The following CREB3L2 variants were observed in gnomAD, a reference collection of about 807,000 sequenced individuals.
CREB3L2 encodes cAMP responsive element binding protein 3 like 2.
A neutral mutation model predicts 57.2 loss-of-function variants in CREB3L2; 23 were observed. That is an observed-to-expected ratio of 0.40 (90% CI 0.29 to 0.57). The LOEUF (loss-of-function observed/expected upper bound fraction) is 0.57. Among genes scored for constraint, CREB3L2 ranks in the 20% least tolerant of loss-of-function variants. The pLI, the probability that CREB3L2 is intolerant of heterozygous loss-of-function variation, is 0.42. For missense variants in CREB3L2, 628 were observed against 634.7 expected, an observed-to-expected ratio of 0.99 and a Z score of 0.11; for synonymous variants, 268 against 265.1, an observed-to-expected ratio of 1.01 and a Z score of -0.11.
chr7:137,975,988 C>G (rs1223576629), intron 1 of CREB3L2, among the ~76,000 whole-genome samples: 1 of 152,198 alleles, frequency 6.6e-6, no homozygotes, highest in Admixed American at 6.5e-5. Context: ...CAATGTTTCT[C>G]TGCTCCAAGA....
At chr7:137,907,662 C>T (rs568304938) in intron 5 of CREB3L2, among the ~76,000 whole-genome samples, 1 of 152,302 alleles carries the variant, frequency 6.6e-6, no homozygotes, top group Admixed American at 6.5e-5. Context: ...AATCAATTCA[C>T]TCCTAGAACA....
intron 1 of CREB3L2, among the ~76,000 whole-genome samples, chr7:137,983,983 C>T (rs748024594): frequency 6.6e-6 from 1 of 152,206 alleles, no homozygotes; most frequent in Non-Finnish European, 1.5e-5. Flanking sequence ...ACTCACATTC[C>T]AGGCACAGTT....
At chr7:137,978,714 G>A (rs1801654762) in intron 1 of CREB3L2, among the ~76,000 whole-genome samples, 1 of 152,184 alleles carries the variant, frequency 6.6e-6, no homozygotes, top group South Asian at 2.1e-4. Flanking sequence ...GAGGAAGGGG[G>A]GCTATCCTGA....
intron 8 of CREB3L2, among the ~76,000 whole-genome samples, chr7:137,901,072 A>C (rs554097097): frequency 1.3e-5 from 2 of 152,316 alleles, no homozygotes; most frequent in East Asian, 1.9e-4. Context: ...GTATGTGTAC[A>C]TGTATGTGCA....
At chr7:137,989,809 C>T (rs1426819618) in intron 1 of CREB3L2, among the ~76,000 whole-genome samples, 1 of 152,192 alleles carries the variant, frequency 6.6e-6, no homozygotes, top group Non-Finnish European at 1.5e-5. Context: ...AGGTCAACGG[C>T]AACACCGTCA....
intron 3 of CREB3L2, among the ~76,000 whole-genome samples, chr7:137,914,378 T>A (rs928214598): frequency 6.6e-6 from 1 of 152,128 alleles, no homozygotes; most frequent in Non-Finnish European, 1.5e-5. Context: ...ACGCCTGTAA[T>A]CCCAACACTT....
intron 1 of CREB3L2, among the ~76,000 whole-genome samples, chr7:137,939,844 C>T (rs542292111): frequency 1.3e-5 from 2 of 152,264 alleles, no homozygotes; most frequent in Admixed American, 6.5e-5. Flanking sequence ...GGAGGCCCAG[C>T]GGGGCTTTTT....
chr7:137,962,121 CA>C (rs1236643173), intron 1 of CREB3L2, among the ~76,000 whole-genome samples: 1 of 152,166 alleles, frequency 6.6e-6, no homozygotes, highest in Non-Finnish European at 1.5e-5. Flanking sequence ...ACTGAATGTT[CA>C]CGTTGAAATG....
intron 8 of CREB3L2, among the ~76,000 whole-genome samples, chr7:137,890,379 G>T (rs1799507640): frequency 6.6e-6 from 1 of 152,192 alleles, no homozygotes. Flanking sequence ...TATAAAACCT[G>T]TCTCTCTGTG....
chr7:137,957,480 C>T (rs994528850), intron 1 of CREB3L2, among the ~76,000 whole-genome samples: 8 of 152,120 alleles, frequency 5.3e-5, no homozygotes, highest in African/African-American at 1.7e-4. Flanking sequence ...CCTGACTGTC[C>T]ACAGGGGTGC....
chr7:137,962,753 G>A (rs772822333), intron 1 of CREB3L2, among the ~76,000 whole-genome samples: 2 of 152,108 alleles, frequency 1.3e-5, no homozygotes, highest in Non-Finnish European at 2.9e-5. Context: ...CTACACATGA[G>A]TTCCATGGGG....
rs528045443 is a variant in CREB3L2, at chr7:137,875,259, C to T, written c.*5217G>A. The T allele has an allele frequency of 6.8e-5, 15 of 219,056 alleles. No individual in the cohort carries two copies. Among genetic ancestry groups the T allele is most frequent in the Admixed American group, 1.2e-4 (2 of 17,272 alleles). 13.6% of individuals were successfully genotyped at this position (219,056 alleles called of 1,614,324 possible). ...TGTCAGCATAGACATTAAAGCTCAC[C>T]GTTGATTATAGCTCAGGGCCTGCTC... On this transcript the variant is annotated 3_prime_UTR_variant, in exon 12 of 12. Coordinates refer to ENST00000330387, the MANE Select transcript of CREB3L2 (RefSeq NM_194071.4).
intron 1 of CREB3L2, among the ~76,000 whole-genome samples, chr7:137,983,738 C>A (rs975853927): frequency 3.3e-5 from 5 of 152,238 alleles, no homozygotes; most frequent in African/African-American, 7.2e-5. Flanking sequence ...TACCTCTCCC[C>A]TGTGGTTGTT....
intron 10 of CREB3L2, among the ~76,000 whole-genome samples, chr7:137,882,914 C>CG (rs1799329774): frequency 6.6e-6 from 1 of 152,086 alleles, no homozygotes; most frequent in Admixed American, 6.6e-5. Flanking sequence ...AAACTCCCCC[C>CG]TTACCACCCA....
chr7:137,891,853 ACAGGTGTGAGCCACCACACC>A (rs1799533931), intron 8 of CREB3L2, among the ~76,000 whole-genome samples: 1 of 152,196 alleles, frequency 6.6e-6, no homozygotes, highest in African/African-American at 2.4e-5. Context: ...TGCTGGGATT[ACAGGTGTGAGCCACCACACC>A]CAGCCACACA....
intron 2 of CREB3L2, among the ~76,000 whole-genome samples, chr7:137,925,049 AG>A (rs1291161217): frequency 6.6e-6 from 1 of 152,228 alleles, no homozygotes; most frequent in Non-Finnish European, 1.5e-5. Context: ...AGTCTGTGAT[AG>A]AATGATAGGA....
At chr7:137,952,642 C>T (rs1042027937) in intron 1 of CREB3L2, among the ~76,000 whole-genome samples, 1 of 152,156 alleles carries the variant, frequency 6.6e-6, no homozygotes, top group South Asian at 2.1e-4. Flanking sequence ...ACCCTACCTA[C>T]CCCACCCCAA....
At chr7:137,995,899 G>A (rs1379407269) in intron 1 of CREB3L2, among the ~76,000 whole-genome samples, 2 of 152,276 alleles carry the variant, frequency 1.3e-5, no homozygotes. Context: ...CTGTGCCTAT[G>A]TCTACCACCT....
intron 10 of CREB3L2, chr7:137,884,583 C>G (rs1799369977): frequency 5.2e-6 from 2 of 386,826 alleles, no homozygotes; most frequent in East Asian, 9.6e-5. Context: ...ACTTTACAAG[C>G]CCTTACTATA....
Sources: gnomAD v4.1 joint callset for allele counts (sites outside exome capture counted in the v4.1 genomes callset) on GRCh38, gnomAD v4.1.1 for gene constraint, MANE v1.5 for transcripts, NCBI Gene and HGNC (gene_info 2026-07-23, HGNC 2026-07-21) for gene names.